Variants in AKR1E2 observed in about 807,000 individuals in gnomAD.
AKR1E2 encodes the protein aldo-keto reductase family 1 member E2.
A neutral mutation model predicts 41.9 loss-of-function variants in AKR1E2; 43 were observed. The observed-to-expected ratio is 1.03, with a 90% CI of 0.80 to 1.32. AKR1E2 has a LOEUF of 1.32. Among genes scored for constraint, AKR1E2 ranks in the 40% most tolerant of loss-of-function variants. AKR1E2 has a pLI of 0.00. For missense variants in AKR1E2, 423 were observed against 396.5 expected (o/e 1.07, Z -0.57); for synonymous variants, 121 against 138.9 (o/e 0.87, Z 0.91).
chr10:4,841,643 T>C, intron 6 of AKR1E2, 142 bp from the exon 7 acceptor site: 1 of 575,002 alleles, frequency 1.7e-6, no homozygotes. Context: ...TGTGCTTTTC[T>C]GCATTTTAAA....
At chr10:4,846,019 C>G in intron 8 of AKR1E2, 2 of 383,234 alleles carry the variant, frequency 5.2e-6, no homozygotes, top group South Asian at 3.8e-5. Flanking sequence ...CCCCCTGTGG[C>G]CCCAGTGCCG....
At chr10:4,861,670 A>G in the AKR1E2 span, among the ~76,000 whole-genome samples, 2 of 152,146 alleles carry the variant, frequency 1.3e-5, no homozygotes, top group Non-Finnish European at 2.9e-5. Context: ...CGCCTGGCCA[A>G]TATGTCTTTA....
downstream of AKR1E2, among the ~76,000 whole-genome samples, chr10:4,850,882 T>C (rs1834514352): frequency 6.6e-6 from 1 of 152,238 alleles, no homozygotes; most frequent in African/African-American, 2.4e-5. Flanking sequence ...TTTAGCACGT[T>C]TATTTCTCCA....
intron 6 of AKR1E2, among the ~76,000 whole-genome samples, chr10:4,841,562 A>C (rs539975412): frequency 6.6e-6 from 1 of 152,224 alleles, no homozygotes; most frequent in Admixed American, 6.5e-5. Context: ...TACACATGAA[A>C]AGTGATGTCG....
chr10:4,825,558 C>T (rs1298104823), upstream of AKR1E2, among the ~76,000 whole-genome samples: 2 of 152,190 alleles, frequency 1.3e-5, no homozygotes, highest in African/African-American at 2.4e-5. Flanking sequence ...ACCCAGGACC[C>T]CCGCTGTCCT....
intron 2 of AKR1E2, 107 bp downstream of exon 2, chr10:4,830,949 G>A (rs534688490): frequency 1.4e-5 from 19 of 1,358,564 alleles, no homozygotes; most frequent in African/African-American, 2.9e-5. Flanking sequence ...TACTCAAATC[G>A]GAATAAACAA....
the AKR1E2 span, among the ~76,000 whole-genome samples, chr10:4,870,657 CT>C: frequency 0.22 from 32,870 of 148,598 alleles, 3,779 homozygotes; most frequent in Middle Eastern, 0.33. Context: ...TATTTGAATT[CT>C]TTTTTTTTTC....
Position 4,842,457 on chromosome 10 carries a change from G to A in AKR1E2, c.790G>A (p.Val264Met). The A allele has an allele frequency of 6.2e-7, 1 of 1,614,190 alleles. No homozygotes were observed. Among genetic ancestry groups the A allele is most frequent in the South Asian group, 1.1e-5 (1 of 91,082 alleles). The part of the protein sequence containing the change: ...IRFQIQRNVI[V>M]IPGSITPSHI... ...ATTTCAAATCCAGAGGAATGTGATA[G>A]TGATCCCCGGATCTATCACCCCAAG... Residue 264 changes from valine (V) to methionine (M), a missense_variant, in exon 8 of 10, where the codon GTG (valine) becomes ATG (methionine). Val to Met is a conservative substitution (Grantham distance 21, BLOSUM62 1). Transcript: ENST00000298375.
At chr10:4,860,521 G>A in the AKR1E2 span, among the ~76,000 whole-genome samples, 1 of 151,794 alleles carries the variant, frequency 6.6e-6, no homozygotes, top group Non-Finnish European at 1.5e-5. Context: ...CATAGTGGCT[G>A]CCAACTTTTT....
intron 8 of AKR1E2, among the ~76,000 whole-genome samples, chr10:4,845,258 C>T (rs1029113349): frequency 9.9e-5 from 15 of 152,220 alleles, no homozygotes; most frequent in African/African-American, 3.1e-4. Context: ...TGCTGGCCTG[C>T]AAGCACCACG....
rs140037599 is a variant in AKR1E2, at chr10:4,835,636, T to C, written c.325-39T>C. On this transcript the variant is annotated intron_variant, in intron 3 of 9. Transcript: ENST00000298375. ...ACACATGGTTTTTTTTGTTTTGTTT[T>C]GTTTTGTTTTCACACATCTCAACTC... 6.2e-5 allele frequency: 99 copies of C among 1,604,140 alleles called. 1 individual carries two copies. In the African/African-American group the frequency reaches 1.2e-3, roughly 20 times the overall value.
In AKR1E2 at chr10:4,837,454, T is replaced by TA; in HGVS notation, c.460-4dup. 1 of 1,614,120 alleles carries TA rather than the reference T, an allele frequency of 6.2e-7. No homozygotes were observed. Among genetic ancestry groups the TA allele is most frequent in the South Asian group, 1.1e-5 (1 of 91,082 alleles). ...TTCACACCCAGCAGAGTCGTTCTCTTATAGGCCATGGAGGACCTGGTGATC... is the reference window on the plus strand; with the variant it reads ...TTCACACCCAGCAGAGTCGTTCTCTTAATAGGCCATGGAGGACCTGGTGATC... On this transcript the variant is annotated splice_region_variant and splice_polypyrimidine_tract_variant and intron_variant, in intron 4 of 9. Coordinates refer to ENST00000298375, the MANE Select transcript of AKR1E2 (RefSeq NM_001040177.3).
chr10:4,841,994 C>A, intron 7 of AKR1E2, 137 bp downstream of exon 7: 1 of 690,824 alleles, frequency 1.4e-6, no homozygotes, highest in Non-Finnish European at 2.3e-6. Flanking sequence ...AACCTCCCAG[C>A]GTCAAGCAGA....
the AKR1E2 span, among the ~76,000 whole-genome samples, chr10:4,856,198 T>C: frequency 2.6e-5 from 4 of 152,254 alleles, no homozygotes; most frequent in African/African-American, 9.6e-5. Context: ...TAGATTTTTC[T>C]GCTAAAGGGT....
chr10:4,835,544 G>A (rs569671681), intron 3 of AKR1E2, 131 bp from the exon 4 acceptor site: 9 of 1,156,838 alleles, frequency 7.8e-6, no homozygotes, highest in Admixed American at 2.7e-5. Flanking sequence ...GTGAAGACTG[G>A]GCCTGGTCAC....
chr10:4,848,425 G>C (rs1834463201), downstream of AKR1E2, among the ~76,000 whole-genome samples: 1 of 152,232 alleles, frequency 6.6e-6, no homozygotes, highest in Non-Finnish European at 1.5e-5. Context: ...CTGTGGTCCA[G>C]ACGCCATGAT....
chr10:4,854,313 T>G, the AKR1E2 span, among the ~76,000 whole-genome samples: 1 of 152,060 alleles, frequency 6.6e-6, no homozygotes, highest in Admixed American at 6.6e-5. Flanking sequence ...AGGCTGGTCT[T>G]TAACTCCTGA....
At chr10:4,863,631 A>G in the AKR1E2 span, among the ~76,000 whole-genome samples, 14 of 149,130 alleles carry the variant, frequency 9.4e-5, no homozygotes, top group Non-Finnish European at 1.8e-4. Context: ...TGAAGGAGAT[A>G]GAGTCACAAA....
the AKR1E2 span, among the ~76,000 whole-genome samples, chr10:4,863,734 A>T: frequency 1.6e-5 from 2 of 128,842 alleles, no homozygotes; most frequent in South Asian, 2.4e-4. Flanking sequence ...AAAGAAGAAA[A>T]GAAAGAAGAA....
Sources: allele counts gnomAD v4.1 joint callset (sites outside exome capture counted in the v4.1 genomes callset), GRCh38; gene constraint gnomAD v4.1.1; transcripts MANE v1.5; gene names NCBI Gene and HGNC (gene_info 2026-07-23, HGNC 2026-07-21).